NBAS: variants seen among roughly 807,000 people sequenced by gnomAD.
NBAS encodes the protein NAG/BC035112 fusion.
Under a neutral mutation model 302.5 loss-of-function variants are expected in NBAS, and 219 were observed. That is an observed-to-expected ratio of 0.72 (90% CI 0.65 to 0.81). The LOEUF (loss-of-function observed/expected upper bound fraction) is 0.81, where lower values mean the gene tolerates loss of function less well. Ranked by LOEUF, NBAS falls within the 30% of genes least tolerant of loss-of-function variation. The probability of loss-of-function intolerance (pLI) is 0.00; values close to 1 mark genes in which losing one functional copy is unlikely to be tolerated. For synonymous variants in NBAS, 1,118 were observed against 1,021.6 expected, an observed-to-expected ratio of 1.09 and a Z score of -1.80; for missense variants, 2,932 against 2,841.6, an observed-to-expected ratio of 1.03 and a Z score of -0.72.
intron 26 of NBAS, among the ~76,000 whole-genome samples, chr2:15,399,913 TTCTAAG>T (rs1246107909): frequency 2.1e-4 from 32 of 152,120 alleles, no homozygotes; most frequent in African/African-American, 7.7e-4. Context: ...AAGATAAGGA[TTCTAAG>T]TCTATGATTC....
chr2:15,150,631 T>A, the NBAS span, among the ~76,000 whole-genome samples: 1 of 152,208 alleles, frequency 6.6e-6, no homozygotes, highest in African/African-American at 2.4e-5. Context: ...TCATGAAAAC[T>A]TTGTCCCTTT....
the NBAS span, among the ~76,000 whole-genome samples, chr2:14,941,478 G>A: frequency 6.6e-6 from 1 of 152,242 alleles, no homozygotes; most frequent in African/African-American, 2.4e-5. Context: ...AATCCTGGAA[G>A]CTTCAAACGC....
chr2:15,315,689 A>T (rs1176030981), intron 38 of NBAS, among the ~76,000 whole-genome samples: 1 of 152,204 alleles, frequency 6.6e-6, no homozygotes, highest in Admixed American at 6.5e-5. Context: ...TGAGATGGAA[A>T]GGAAAGGAAT....
chr2:15,198,771 T>C (rs540218960), intron 48 of NBAS, among the ~76,000 whole-genome samples: 1 of 152,328 alleles, frequency 6.6e-6, no homozygotes, highest in Admixed American at 6.5e-5. Context: ...GTCTACTTAC[T>C]TTCCGAAAGA....
chr2:15,279,107 G>A (rs1388926372), intron 42 of NBAS, among the ~76,000 whole-genome samples: 1 of 152,100 alleles, frequency 6.6e-6, no homozygotes, highest in Non-Finnish European at 1.5e-5. Context: ...AATGTAGTAA[G>A]GAAGTAAATA....
the NBAS span, among the ~76,000 whole-genome samples, chr2:15,021,384 G>A: frequency 3.3e-5 from 5 of 152,128 alleles, no homozygotes; most frequent in Admixed American, 2.0e-4. Context: ...GAATGAACAC[G>A]GAGGAGTACG....
chr2:15,455,377 G>C lies in NBAS; in HGVS notation c.2339+5824C>G, dbSNP rs76403986. Among the ~76,000 whole-genome samples, 722 of 152,084 alleles carry C rather than the reference G, an allele frequency of 4.7e-3. 8 individuals are homozygous for C. Among genetic ancestry groups the C allele is most frequent in the African/African-American group, 0.016 (671 of 41,482 alleles). On this transcript the variant is annotated intron_variant, in intron 21 of 51. Coordinates refer to ENST00000281513, the MANE Select transcript of NBAS (RefSeq NM_015909.4). ...CATTATAGCAGAACGGACTATTCCAGTGCTAATTTCTAATTTCAACAAATA... is the reference window on the plus strand; with the variant it reads ...CATTATAGCAGAACGGACTATTCCACTGCTAATTTCTAATTTCAACAAATA...
the NBAS span, among the ~76,000 whole-genome samples, chr2:14,911,466 T>A: frequency 6.6e-6 from 1 of 152,180 alleles, no homozygotes; most frequent in Non-Finnish European, 1.5e-5. Flanking sequence ...GAAGTGACTC[T>A]CTGAGAGAGG....
At chr2:15,116,485 G>A in the NBAS span, among the ~76,000 whole-genome samples, 29 of 51,984 alleles carry the variant, frequency 5.6e-4, 1 homozygote, top group South Asian at 3.6e-3. Flanking sequence ...CAACCCTATC[G>A]GATTAGGGAT....
At chr2:15,254,693 C>CGAA (rs1668512990) in intron 44 of NBAS, among the ~76,000 whole-genome samples, 1 of 152,110 alleles carries the variant, frequency 6.6e-6, no homozygotes, top group Non-Finnish European at 1.5e-5. Context: ...TCTCTCATTC[C>CGAA]CCTCCACCCT....
At chr2:15,360,485 A>G (rs1400504589) in intron 32 of NBAS, among the ~76,000 whole-genome samples, 1 of 151,930 alleles carries the variant, frequency 6.6e-6, no homozygotes, top group East Asian at 1.9e-4. Flanking sequence ...AGTTAGGCCT[A>G]CAAGCATGCA....
At chr2:14,824,041 C>G in the NBAS span, among the ~76,000 whole-genome samples, 1 of 152,210 alleles carries the variant, frequency 6.6e-6, no homozygotes, top group African/African-American at 2.4e-5. Context: ...AAGGCCACTG[C>G]CCAGAGCCAG....
chr2:15,075,822 C>T, the NBAS span, among the ~76,000 whole-genome samples: 6 of 152,048 alleles, frequency 3.9e-5, no homozygotes, highest in African/African-American at 7.2e-5. Context: ...ACACAGAAAA[C>T]GGTATCCTTA....
chr2:15,318,549 AAG>A (rs779247607), intron 38 of NBAS, among the ~76,000 whole-genome samples: 7 of 152,190 alleles, frequency 4.6e-5, no homozygotes, highest in African/African-American at 7.2e-5. Flanking sequence ...GGGATGAAGG[AAG>A]ATCTACCAAG....
chr2:15,132,073 T>C, the NBAS span, among the ~76,000 whole-genome samples: 1 of 152,206 alleles, frequency 6.6e-6, no homozygotes, highest in Admixed American at 6.5e-5. Flanking sequence ...TCATCTTCCT[T>C]GGTATTTACC....
intron 30 of NBAS, among the ~76,000 whole-genome samples, chr2:15,375,984 G>A (rs1041609920): frequency 2.6e-5 from 4 of 151,958 alleles, no homozygotes; most frequent in Admixed American, 6.6e-5. Flanking sequence ...AGAAAGAAGA[G>A]GTAACATTTA....
chr2:15,321,896 A>G (rs1199454700), intron 38 of NBAS, among the ~76,000 whole-genome samples: 1 of 152,190 alleles, frequency 6.6e-6, no homozygotes, highest in Non-Finnish European at 1.5e-5. Context: ...CTGGGTATAT[A>G]CCCCAAGGAT....
At chr2:15,007,252 CT>C in the NBAS span, among the ~76,000 whole-genome samples, 17 of 152,300 alleles carry the variant, frequency 1.1e-4, no homozygotes, top group African/African-American at 3.8e-4. Context: ...CCACCATGGT[CT>C]TTTTTTCCCA....
intron 40 of NBAS, among the ~76,000 whole-genome samples, chr2:15,298,147 C>T (rs1337514058): frequency 6.6e-6 from 1 of 152,040 alleles, no homozygotes; most frequent in African/African-American, 2.4e-5. Flanking sequence ...GGGTTTGGGA[C>T]CAGCCTGAGT....
Sources: gnomAD v4.1 joint callset for allele counts (sites outside exome capture counted in the v4.1 genomes callset) on GRCh38, gnomAD v4.1.1 for gene constraint, MANE v1.5 for transcripts, NCBI Gene and HGNC (gene_info 2026-07-23, HGNC 2026-07-21) for gene names.